IGF2BP2: variants seen among roughly 807,000 people sequenced by gnomAD.
IGF2BP2 encodes the protein insulin-like growth factor 2 mRNA-binding protein 2.
Under a neutral mutation model 75.8 loss-of-function variants are expected in IGF2BP2, and 17 were observed. That is an observed-to-expected ratio of 0.22 (90% confidence interval 0.15 to 0.34). IGF2BP2 has a LOEUF of 0.34. IGF2BP2 is among the 10% of genes least tolerant of loss of function. The pLI, the probability that IGF2BP2 is intolerant of heterozygous loss-of-function variation, is 1.00. For missense variants in IGF2BP2, 516 were observed against 772.4 expected, an observed-to-expected ratio of 0.67 and a Z score of 3.93; for synonymous variants, 288 against 295.6, an observed-to-expected ratio of 0.97 and a Z score of 0.26.
Position 185,645,683 on chromosome 3 carries a change from G to C in IGF2BP2, c.1708-60C>G. 2 of 1,301,278 alleles carry C rather than the reference G, an allele frequency of 1.5e-6. No individual in the cohort carries two copies. Among genetic ancestry groups the C allele is most frequent in the Non-Finnish European group, 2.2e-6 (2 of 896,056 alleles). The allele number at this position is 1,301,278 out of a possible 1,614,324, so 80.6% of individuals were successfully genotyped here. Reference sequence around the variant, plus strand: ...GGGGAAAAAAGGAACCCAGTTCTGAGGACAAACGGCAGGGGAGGCTCTGGG... The same window carrying C: ...GGGGAAAAAAGGAACCCAGTTCTGACGACAAACGGCAGGGGAGGCTCTGGG... On this transcript the variant is annotated intron_variant, in intron 15 of 15. Transcript: ENST00000382199. The surrounding 1 kb of genome is among the most constrained non-coding windows in gnomAD (Gnocchi z 4.9).
intron 2 of IGF2BP2, among the ~76,000 whole-genome samples, chr3:185,701,906 T>C (rs1723360512): frequency 6.6e-6 from 1 of 152,206 alleles, no homozygotes; most frequent in East Asian, 1.9e-4. Flanking sequence ...TGCTGACTCC[T>C]GTGGCATCAT....
intron 14 of IGF2BP2, 27 bp downstream of exon 14, chr3:185,649,376 G>A: frequency 1.6e-5 from 26 of 1,610,842 alleles, no homozygotes; most frequent in Non-Finnish European, 2.1e-5. Flanking sequence ...TGACCCAGGT[G>A]ATGAAGCGAG....
At chr3:185,807,248 A>C (rs539708752) in intron 2 of IGF2BP2, among the ~76,000 whole-genome samples, 2 of 152,326 alleles carry the variant, frequency 1.3e-5, no homozygotes, top group South Asian at 4.1e-4. Flanking sequence ...ATCACTCTTC[A>C]GGGGAAAGAA....
chr3:185,667,997 C>T (rs1166879004), intron 10 of IGF2BP2, among the ~76,000 whole-genome samples: 4 of 152,132 alleles, frequency 2.6e-5, no homozygotes, highest in Non-Finnish European at 5.9e-5. Flanking sequence ...ATAGTGTAAA[C>T]ACAGCTTTTA....
At chr3:185,779,247 T>C (rs1326298832) in intron 2 of IGF2BP2, among the ~76,000 whole-genome samples, 1 of 152,158 alleles carries the variant, frequency 6.6e-6, no homozygotes, top group African/African-American at 2.4e-5. Context: ...TGAAAATCTT[T>C]AGGAATAACT....
At chr3:185,807,693 C>A (rs1474940234) in intron 2 of IGF2BP2, among the ~76,000 whole-genome samples, 1 of 152,150 alleles carries the variant, frequency 6.6e-6, no homozygotes, top group Non-Finnish European at 1.5e-5. Context: ...CAAAATAAGG[C>A]AGACTCAGTG....
At chr3:185,755,792 T>C (rs986694967) in intron 2 of IGF2BP2, among the ~76,000 whole-genome samples, 4 of 152,254 alleles carry the variant, frequency 2.6e-5, no homozygotes, top group Admixed American at 1.3e-4. Context: ...ACCCAATGTC[T>C]GTACCACCAT....
At chr3:185,758,401 A>T (rs1731916136) in intron 2 of IGF2BP2, among the ~76,000 whole-genome samples, 1 of 152,236 alleles carries the variant, frequency 6.6e-6, no homozygotes, top group Non-Finnish European at 1.5e-5. Context: ...AGCACTAGTT[A>T]TGTGGAGAGA....
intron 2 of IGF2BP2, among the ~76,000 whole-genome samples, chr3:185,775,661 G>T (rs564134883): frequency 1.3e-5 from 2 of 152,174 alleles, no homozygotes; most frequent in African/African-American, 4.8e-5. Context: ...CTTAGCAAAA[G>T]CAATGTATGA....
chr3:185,725,894 G>T (rs1727257236), intron 2 of IGF2BP2, among the ~76,000 whole-genome samples: 1 of 152,180 alleles, frequency 6.6e-6, no homozygotes, highest in Admixed American at 6.5e-5. Flanking sequence ...AGCCCAGGAA[G>T]TTGAAGCTAC....
At chr3:185,660,120 G>A (rs1432432332) in intron 10 of IGF2BP2, among the ~76,000 whole-genome samples, 1 of 152,180 alleles carries the variant, frequency 6.6e-6, no homozygotes, top group Non-Finnish European at 1.5e-5. Context: ...CAGGCAGAAC[G>A]CTGACCTGAG....
At chr3:185,707,294 GCTTTTTT>G (rs1724173824) in intron 2 of IGF2BP2, among the ~76,000 whole-genome samples, 1 of 101,674 alleles carries the variant, frequency 9.8e-6, no homozygotes, top group Non-Finnish European at 2.0e-5. Context: ...TAACGAAGGG[GCTTTTTT>G]TTTTTTTTTT....
intron 2 of IGF2BP2, among the ~76,000 whole-genome samples, chr3:185,793,557 A>AT (rs1368120109): frequency 6.6e-6 from 1 of 152,202 alleles, no homozygotes; most frequent in Non-Finnish European, 1.5e-5. Flanking sequence ...CAGGGGACAG[A>AT]TTAACTTGGT....
chr3:185,772,405 T>C (rs553664764), intron 2 of IGF2BP2, among the ~76,000 whole-genome samples: 1 of 152,256 alleles, frequency 6.6e-6, no homozygotes, highest in East Asian at 1.9e-4. Flanking sequence ...AAATTTATCT[T>C]TTCCCAAATA....
rs1428335417 is a variant in IGF2BP2 at position 185,644,230 on chromosome 3, T to G, written c.*1301A>C. On this transcript the variant is annotated 3_prime_UTR_variant, in exon 16 of 16. Coordinates refer to ENST00000382199, the MANE Select transcript of IGF2BP2 (RefSeq NM_006548.6). ...TGAGGTAAAAACACCTGAGGTAGCT[T>G]CTTCTGTGTGTTTTTCTCGTTAAAA... 6.6e-6 allele frequency: 1 copy of G among 152,420 alleles called. No homozygotes were observed. Among genetic ancestry groups the G allele is most frequent in the African/African-American group, 2.4e-5 (1 of 41,394 alleles). The allele number at this position is 152,420 out of a possible 1,614,324, so 9.4% of individuals were successfully genotyped here. A position where few individuals can be genotyped will look rare whatever the true frequency, so the allele number is the denominator to read the frequency against.
chr3:185,789,777 A>G (rs1736398048), intron 2 of IGF2BP2, among the ~76,000 whole-genome samples: 3 of 130,990 alleles, frequency 2.3e-5, no homozygotes, highest in Admixed American at 1.9e-4. Context: ...TTTGTCACCC[A>G]GGCTGTAATG....
intron 2 of IGF2BP2, among the ~76,000 whole-genome samples, chr3:185,737,814 A>C (rs938457813): frequency 1.3e-5 from 2 of 152,244 alleles, no homozygotes. Context: ...TTAGACACTC[A>C]GTACTTGGTT....
rs140731477 is a variant in IGF2BP2, at chr3:185,686,930, C to T, written c.812+127G>A. ...TACTTGGGAACAAATTTCTTAAACACAATCCCTCCCTGCCTCTGTTACTGA... is the reference window on the plus strand; with the variant it reads ...TACTTGGGAACAAATTTCTTAAACATAATCCCTCCCTGCCTCTGTTACTGA... On this transcript the variant is annotated intron_variant, in intron 7 of 15. Coordinates refer to ENST00000382199, the MANE Select transcript of IGF2BP2 (RefSeq NM_006548.6). 1,121 of 1,045,634 alleles carry T rather than the reference C, an allele frequency of 1.1e-3. 5 individuals carry two copies. The African/African-American group carries it at 0.013, about 12-fold the overall frequency. The allele number at this position is 1,045,634 out of a possible 1,614,324, so 64.8% of individuals were successfully genotyped here. A position where few individuals can be genotyped will look rare whatever the true frequency, so the allele number is the denominator to read the frequency against.
Position 185,655,367 on chromosome 3 carries a change from G to A in IGF2BP2, c.1386+1919C>T, listed in dbSNP as rs1715268042. Among the ~76,000 whole-genome samples the A allele has an allele frequency of 3.3e-5, 5 of 152,282 alleles. No homozygotes were observed. The Middle Eastern group carries it at 0.01, about 311-fold the overall frequency. On this transcript the variant is annotated intron_variant, in intron 12 of 15. Transcript: ENST00000382199. ...GCTGGTCTCCAACTCCTGACCTCAGGTGATCCACCTGCCTCAGCCTCCCAA... is the reference window on the plus strand; with the variant it reads ...GCTGGTCTCCAACTCCTGACCTCAGATGATCCACCTGCCTCAGCCTCCCAA...
Sources: allele counts gnomAD v4.1 joint callset (sites outside exome capture counted in the v4.1 genomes callset), GRCh38; gene constraint gnomAD v4.1.1; non-coding constraint Gnocchi (gnomAD v3.1); transcripts MANE v1.5; gene names NCBI Gene and HGNC (gene_info 2026-07-23, HGNC 2026-07-21).